Variants in CCDC69 observed in about 807,000 individuals in gnomAD.
CCDC69 encodes the protein coiled-coil domain containing 69.
In CCDC69, 38 loss-of-function variants were observed where a neutral mutation model predicts 40.3. The ratio of observed to expected loss-of-function variants is 0.94; its 90% CI spans 0.73 to 1.24. The LOEUF (loss-of-function observed/expected upper bound fraction) is 1.24. Ranked by LOEUF, CCDC69 falls within the 50% of genes most tolerant of loss-of-function variation. The pLI, the probability that CCDC69 is intolerant of heterozygous loss-of-function variation, is 0.00. For synonymous variants in CCDC69, 141 were observed against 138.9 expected, an observed-to-expected ratio of 1.02 and a Z score of -0.11; for missense variants, 389 against 357.9, an observed-to-expected ratio of 1.09 and a Z score of -0.70.
At chr5:151,206,936 T>C (rs976230475) in intron 1 of CCDC69, among the ~76,000 whole-genome samples, 1 of 151,392 alleles carries the variant, frequency 6.6e-6, no homozygotes, top group Admixed American at 6.6e-5. Context: ...GACCTTTTTT[T>C]ACTTTTTGAG....
At chr5:151,216,406 ATTTTTT>A (rs1262419326) in intron 1 of CCDC69, among the ~76,000 whole-genome samples, 90 of 116,300 alleles carry the variant, frequency 7.7e-4, no homozygotes, top group South Asian at 2.2e-3. Flanking sequence ...AATTATTAGG[ATTTTTT>A]TTTTTTTTTT....
At chr5:151,192,446 C>CAA (rs397810601) in intron 4 of CCDC69, among the ~76,000 whole-genome samples, 37,626 of 144,054 alleles carry the variant, frequency 0.26, 5,462 homozygotes, top group Admixed American at 0.42. Context: ...AACAATTCTT[C>CAA]AAAAAAAAAA....
chr5:151,215,630 T>C, intron 1 of CCDC69: 1 of 425,558 alleles, frequency 2.3e-6, no homozygotes, highest in Non-Finnish European at 4.9e-6. Flanking sequence ...CTCCACACCA[T>C]CCCCTGTTCT....
intron 1 of CCDC69, among the ~76,000 whole-genome samples, chr5:151,222,136 TG>T (rs1753143163): frequency 6.6e-6 from 1 of 152,228 alleles, no homozygotes; most frequent in Admixed American, 6.5e-5. Flanking sequence ...ACTAGATACC[TG>T]GGTTCTGCTC....
chr5:151,195,774 C>T (rs1383610381), intron 4 of CCDC69, among the ~76,000 whole-genome samples: 2 of 149,920 alleles, frequency 1.3e-5, no homozygotes, highest in African/African-American at 4.9e-5. Flanking sequence ...CACCCACACA[C>T]ACCCACACCC....
At chr5:151,215,966 C>T (rs1003982177) in intron 1 of CCDC69, among the ~76,000 whole-genome samples, 9 of 152,108 alleles carry the variant, frequency 5.9e-5, no homozygotes, top group African/African-American at 2.2e-4. Flanking sequence ...GGTAAAATAC[C>T]AATATCCAAA....
At chr5:151,190,042 G>T (rs1582039975) in intron 4 of CCDC69, among the ~76,000 whole-genome samples, 1 of 152,162 alleles carries the variant, frequency 6.6e-6, no homozygotes, top group Non-Finnish European at 1.5e-5. Context: ...TCAGATGAAG[G>T]ACACTTAGAA....
intron 1 of CCDC69, among the ~76,000 whole-genome samples, chr5:151,219,129 T>C (rs75710504): frequency 0.021 from 3,207 of 152,326 alleles, 46 homozygotes; most frequent in African/African-American, 0.029. Context: ...ATCTCCATGA[T>C]GGTTGGGGCA....
At chr5:151,213,495 A>AG (rs1419810156) in intron 1 of CCDC69, among the ~76,000 whole-genome samples, 3 of 150,558 alleles carry the variant, frequency 2.0e-5, no homozygotes, top group Non-Finnish European at 4.4e-5. Flanking sequence ...CTAGTGATCC[A>AG]CCCGCCTCGG....
chr5:151,219,364 G>C (rs775385414), intron 1 of CCDC69, among the ~76,000 whole-genome samples: 9 of 151,848 alleles, frequency 5.9e-5, no homozygotes, highest in Non-Finnish European at 1.2e-4. Flanking sequence ...CTCTCTAAGG[G>C]GCCTTCCTTG....
intron 4 of CCDC69, among the ~76,000 whole-genome samples, chr5:151,190,121 C>T (rs765664418): frequency 2.0e-5 from 3 of 152,180 alleles, no homozygotes; most frequent in Non-Finnish European, 4.4e-5. Flanking sequence ...CAGAGGGAAA[C>T]TTGAAACTTG....
chr5:151,201,970 G>A (rs974710546), intron 2 of CCDC69, among the ~76,000 whole-genome samples: 2 of 152,068 alleles, frequency 1.3e-5, no homozygotes, highest in South Asian at 2.1e-4. Context: ...ACAGCCCCTC[G>A]AGTCTCTTTG....
At chr5:151,218,687 G>A (rs538819883) in intron 1 of CCDC69, among the ~76,000 whole-genome samples, 35 of 152,204 alleles carry the variant, frequency 2.3e-4, no homozygotes, top group African/African-American at 7.9e-4. Flanking sequence ...CTGTTTCTGT[G>A]CAATTAATTT....
intron 1 of CCDC69, among the ~76,000 whole-genome samples, chr5:151,217,083 A>C (rs1753054884): frequency 6.6e-6 from 1 of 152,242 alleles, no homozygotes; most frequent in African/African-American, 2.4e-5. Flanking sequence ...TTCCCAACAC[A>C]TAGAAATGAT....
At chr5:151,198,367 A>G (rs1752730742) in intron 4 of CCDC69, among the ~76,000 whole-genome samples, 1 of 151,612 alleles carries the variant, frequency 6.6e-6, no homozygotes, top group South Asian at 2.1e-4. Flanking sequence ...GGAAAGTTTG[A>G]TATCTATCTA....
rs779866527 is a variant in CCDC69 at position 151,183,385 on chromosome 5, C to A, written c.*52G>T. The A allele has an allele frequency of 7.0e-6, 11 of 1,562,892 alleles. No homozygotes were observed. In the Admixed American group the frequency reaches 1.9e-4, roughly 28 times the overall value. On this transcript the variant is annotated 3_prime_UTR_variant, in exon 9 of 9. Transcript: ENST00000355417. ...GCTCCTGCTGTCTTCTCCAGAAAAA[C>A]CTTGGAAGGAGCTGTGACTTCAGGC...
chr5:151,193,582 A>AAGAG (rs1229354877), intron 4 of CCDC69, among the ~76,000 whole-genome samples: 2 of 151,802 alleles, frequency 1.3e-5, no homozygotes, highest in Non-Finnish European at 2.9e-5. Flanking sequence ...AGAAAGAAGA[A>AAGAG]AGAGAGAGAG....
chr5:151,181,658 T>A lies in CCDC69; in HGVS notation c.*1779A>T, dbSNP rs1026776337. ...CCTTCTTGTAAGTTTGCCACACACA[T>A]TGGCATATTAAAGGTTCTGAGAAGT... On this transcript the variant is annotated 3_prime_UTR_variant, in exon 9 of 9. Transcript: ENST00000355417. The A allele has an allele frequency of 6.6e-5, 10 of 152,372 alleles. No homozygotes were observed. Among genetic ancestry groups the A allele is most frequent in the Admixed American group, 5.9e-4 (9 of 15,304 alleles). The allele number at this position is 152,372 out of a possible 1,614,324, so 9.4% of individuals were successfully genotyped here.
At chr5:151,186,753 G>A (rs1010008835) in intron 5 of CCDC69, among the ~76,000 whole-genome samples, 2 of 151,982 alleles carry the variant, frequency 1.3e-5, no homozygotes, top group Non-Finnish European at 2.9e-5. Flanking sequence ...TACTTGAACC[G>A]TGACCACTAC....
Sources: allele counts gnomAD v4.1 joint callset (sites outside exome capture counted in the v4.1 genomes callset), GRCh38; gene constraint gnomAD v4.1.1; transcripts MANE v1.5; gene names NCBI Gene and HGNC (gene_info 2026-07-23, HGNC 2026-07-21).